PAPLN: variants seen among roughly 807,000 people sequenced by gnomAD.
The protein encoded by PAPLN is papilin, proteoglycan like sulfated glycoprotein, also known as papilin.
Under a neutral mutation model 159.0 loss-of-function variants are expected in PAPLN, and 146 were observed. That is an observed-to-expected ratio of 0.92 (90% CI 0.80 to 1.05). The LOEUF is 1.05. Ranked by LOEUF, PAPLN falls within the 50% of genes least tolerant of loss-of-function variation. The pLI, the probability that PAPLN is intolerant of heterozygous loss-of-function variation, is 0.00. For missense variants in PAPLN, 1,720 were observed against 1,743.9 expected, an observed-to-expected ratio of 0.99 and a Z score of 0.24; for synonymous variants, 734 against 702.9, an observed-to-expected ratio of 1.04 and a Z score of -0.70.
chr14:73,262,821 C>G lies in PAPLN; in HGVS notation c.2717C>G (p.Ser906Cys). The G allele has an allele frequency of 6.8e-7, 1 of 1,475,736 alleles. No individual in the cohort carries two copies. The highest frequency in any genetic ancestry group is 9.0e-7 in the Non-Finnish European group (1 of 1,116,144). 91.4% of individuals were successfully genotyped at this position (1,475,736 alleles called of 1,614,324 possible). Residue 906 changes from serine to cysteine, a missense_variant, in exon 19 of 27, where the codon TCC becomes TGC. Transcript: ENST00000644200. The stretch of plus-strand genomic sequence containing the variant: ...CCAGCGCCACCCTTCCACAGCTCCT[C>G]CTACAGGTGAGGCCCACCTTCCCCA... The part of the protein sequence containing the change: ...GSPAPPFHSS[S>C]YRISLAGVEP...
chr14:73,262,912 G>A (rs993520523), intron 19 of PAPLN, 85 bp downstream of exon 19: 50 of 1,212,746 alleles, frequency 4.1e-5, no homozygotes, highest in Middle Eastern at 3.1e-4. Context: ...GAAGTCAGCC[G>A]GCCCTCCCTC....
chr14:73,261,255 G>A lies in PAPLN; in HGVS notation c.2206G>A (p.Gly736Ser), dbSNP rs145250622. 5,319 of 1,613,822 alleles carry A rather than the reference G, an allele frequency of 3.3e-3. 23 individuals are homozygous for A. Among genetic ancestry groups the A allele is most frequent in the Non-Finnish European group, 3.9e-3 (4,574 of 1,180,010 alleles). ...CCYDNVATAA[G>S]PLGEGCVGQP... is the part of the protein sequence containing the mutation. ...CTATGACAACGTGGCCACTGCAGCC[G>A]GTCCTCTTGGGGAAGGCTGTGTGGG... is the stretch of plus-strand genomic sequence containing the variant. The change falls in exon 18 of 27, where the codon GGT becomes AGT. Residue 736 changes from glycine (G) to serine (S), a missense_variant. Transcript: ENST00000644200.
chr14:73,237,757 C>A (rs961709811), intron 1 of PAPLN, among the ~76,000 whole-genome samples, 165 bp downstream of exon 1: 1 of 152,132 alleles, frequency 6.6e-6, no homozygotes, highest in Non-Finnish European at 1.5e-5. Context: ...CGGAGGTGGG[C>A]GCAGGGTCAT....
intron 16 of PAPLN, among the ~76,000 whole-genome samples, chr14:73,259,790 C>T (rs1259240956): frequency 6.6e-6 from 1 of 152,138 alleles, no homozygotes; most frequent in Non-Finnish European, 1.5e-5. Flanking sequence ...AGAGTGTCAG[C>T]GTGTGGAAAC....
intron 17 of PAPLN, 55 bp downstream of exon 17, chr14:73,260,884 G>C (rs1224694839): frequency 2.0e-6 from 3 of 1,496,142 alleles, no homozygotes; most frequent in Non-Finnish European, 2.7e-6. Context: ...AGCCTGCTCA[G>C]TGTCACTGTG....
chr14:73,241,471 G>A (rs1458368523), intron 2 of PAPLN, among the ~76,000 whole-genome samples: 1 of 152,228 alleles, frequency 6.6e-6, no homozygotes, highest in African/African-American at 2.4e-5. Context: ...CCACCCCAGA[G>A]GTTGTCATGC....
intron 6 of PAPLN, 100 bp from the exon 7 acceptor site, chr14:73,250,807 T>C: frequency 1.4e-6 from 2 of 1,407,678 alleles, no homozygotes; most frequent in Non-Finnish European, 1.9e-6. Context: ...CACCCTATCC[T>C]GCCTGGGCTG....
In PAPLN at chr14:73,268,656, C is replaced by T. The variant is rs564020483; in HGVS notation, c.3600C>T (p.Tyr1200=). 4 of 1,614,038 alleles carry T rather than the reference C, an allele frequency of 2.5e-6. No individual in the cohort carries two copies. The highest frequency in any genetic ancestry group is 1.1e-5 in the South Asian group (1 of 91,070). ...YNLRARDEGS[Y]TCSAYQGSQA... is the part of the protein sequence containing the mutation. ...TGCGGGCCAGGGATGAGGGCTCCTA[C>T]ACGTGCAGTGCCTACCAGGGGAGCC... is the stretch of plus-strand genomic sequence containing the variant. The change falls in exon 26 of 27, where the codon TAC becomes TAT. Residue 1200 remains tyrosine, a synonymous_variant. Coordinates refer to ENST00000644200, the MANE Select transcript of PAPLN (RefSeq NM_001365906.3).
In PAPLN at chr14:73,266,497, C is replaced by T; in HGVS notation, c.3264-4C>T. 6.2e-7 allele frequency: 1 copy of T among 1,613,716 alleles called. No individual in the cohort carries two copies. The highest frequency in any genetic ancestry group is 8.5e-7 in the Non-Finnish European group (1 of 1,179,844). ...GGAGCCAACTGGCTGTACTTGGTCC[C>T]CAGACACCAGCTGCAGCCTGATGGC... On this transcript the variant is annotated splice_region_variant and splice_polypyrimidine_tract_variant and intron_variant, in intron 23 of 26. Coordinates refer to ENST00000644200, the MANE Select transcript of PAPLN (RefSeq NM_001365906.3).
At chr14:73,268,249 ACTCT>A (rs1887407559) in intron 25 of PAPLN, 1 of 303,468 alleles carries the variant, frequency 3.3e-6, no homozygotes, top group Non-Finnish European at 6.1e-6. Context: ...CTGGGTCTGG[ACTCT>A]TGAGCTCCAG....
In PAPLN at chr14:73,273,292, TTTTTA is replaced by T. The variant is rs1223227477; in HGVS notation, c.*633_*637del. The T allele has an allele frequency of 4.1e-5, 6 of 144,670 alleles. No individual in the cohort carries two copies. Among genetic ancestry groups the T allele is most frequent in the Admixed American group, 4.1e-4 (6 of 14,754 alleles). 9.0% of individuals were successfully genotyped at this position (144,670 alleles called of 1,614,324 possible). ...ACCACGCCCAGCCATCAATGCATTTTTTTTATTTTTTTTTTGAGACAGAGTTTCGC... is the reference window on the plus strand; with the variant it reads ...ACCACGCCCAGCCATCAATGCATTTTTTTTTTTTTTGAGACAGAGTTTCGC... On this transcript the variant is annotated 3_prime_UTR_variant, in exon 27 of 27. Coordinates refer to ENST00000644200, the MANE Select transcript of PAPLN (RefSeq NM_001365906.3).
At chr14:73,243,144 C>T (rs61986931) in intron 2 of PAPLN, 8,521 of 152,294 alleles carry the variant, frequency 0.056, 329 homozygotes, top group Non-Finnish European at 0.088. Flanking sequence ...GGGCACCCGC[C>T]GCCACGCCTG....
chr14:73,250,843 C>A, intron 6 of PAPLN, 64 bp from the exon 7 acceptor site: 1 of 1,520,042 alleles, frequency 6.6e-7, no homozygotes, highest in Non-Finnish European at 8.8e-7. Flanking sequence ...TAGGATGCGA[C>A]GGGGCCCAAG....
chr14:73,245,810 G>C lies in PAPLN; in HGVS notation c.231+114G>C. The C allele has an allele frequency of 7.4e-7, 1 of 1,354,004 alleles. No homozygotes were observed. The highest frequency in any genetic ancestry group is 1.0e-6 in the Non-Finnish European group (1 of 998,698). The allele number at this position is 1,354,004 out of a possible 1,614,324, so 83.9% of individuals were successfully genotyped here. Reference sequence around the variant, plus strand: ...GGCTGCTGGGTTGGCCCAGCCTGGGGTCCTCCCGCCAATCCACAGCAGGGC... The same window carrying C: ...GGCTGCTGGGTTGGCCCAGCCTGGGCTCCTCCCGCCAATCCACAGCAGGGC... On this transcript the variant is annotated intron_variant, in intron 4 of 26. Transcript: ENST00000644200. This position sits in a 1 kb window ranked among gnomAD's most constrained non-coding sequence, Gnocchi z 4.2.
chr14:73,249,056 C>T (rs939793009), intron 5 of PAPLN, among the ~76,000 whole-genome samples: 8 of 152,036 alleles, frequency 5.3e-5, no homozygotes, highest in African/African-American at 1.7e-4. Context: ...ACTTGAGTCT[C>T]GGAGGTAGAG....
intron 26 of PAPLN, chr14:73,272,293 A>G (rs1362583917): frequency 2.3e-6 from 1 of 436,114 alleles, no homozygotes; most frequent in Non-Finnish European, 4.0e-6. Context: ...TGCATGTTGA[A>G]GTGAGGCCAA....
intron 11 of PAPLN, 102 bp downstream of exon 11, chr14:73,252,877 G>T: frequency 6.5e-7 from 1 of 1,534,940 alleles, no homozygotes. Context: ...AAAGAGGTGG[G>T]GGTCCAGGGC....
At chr14:73,261,846 T>C (rs1009414202) in intron 18 of PAPLN, among the ~76,000 whole-genome samples, 6 of 152,166 alleles carry the variant, frequency 3.9e-5, no homozygotes, top group African/African-American at 1.4e-4. Flanking sequence ...GGTCAGGCCA[T>C]GCTGGCGAGG....
At chr14:73,246,202 C>T (rs760016657) in intron 5 of PAPLN, 27 bp downstream of exon 5, 8 of 1,546,316 alleles carry the variant, frequency 5.2e-6, no homozygotes, top group Admixed American at 2.1e-5. Flanking sequence ...CTCGCTCTCT[C>T]GGGGCCTCTT....
Sources: allele counts gnomAD v4.1 joint callset (sites outside exome capture counted in the v4.1 genomes callset), GRCh38; gene constraint gnomAD v4.1.1; non-coding constraint Gnocchi (gnomAD v3.1); transcripts MANE v1.5; gene names NCBI Gene and HGNC (gene_info 2026-07-23, HGNC 2026-07-21).